PANK4: variants seen among roughly 807,000 people sequenced by gnomAD.
PANK4 encodes the protein pantothenate kinase 4 (inactive).
Under a neutral mutation model 87.9 loss-of-function variants are expected in PANK4, and 40 were observed. That is an observed-to-expected ratio of 0.46 (90% CI 0.35 to 0.59). The LOEUF is 0.59. Ranked by LOEUF, PANK4 falls within the 20% of genes least tolerant of loss-of-function variation. The probability of loss-of-function intolerance (pLI) is 0.00; values close to 1 mark genes in which losing one functional copy is unlikely to be tolerated. For missense variants in PANK4, 926 were observed against 1,072.3 expected (o/e 0.86, Z 1.90); for synonymous variants, 524 against 467.4 (o/e 1.12, Z -1.56).
intron 11 of PANK4, 107 bp from the exon 12 acceptor site, chr1:2,514,196 C>T (rs903254640): frequency 5.9e-6 from 7 of 1,177,852 alleles, no homozygotes; most frequent in Admixed American, 1.7e-5. Context: ...GCAGTGCAAA[C>T]GCTGCTTGAG....
chr1:2,523,299 G>A (rs886395284), intron 1 of PANK4, among the ~76,000 whole-genome samples: 2 of 152,140 alleles, frequency 1.3e-5, no homozygotes, highest in East Asian at 1.9e-4. Context: ...CGCGTCACAG[G>A]CTCAATCTGA....
intron 12 of PANK4, 90 bp downstream of exon 12, chr1:2,513,912 T>C: frequency 1.0e-6 from 1 of 954,912 alleles, no homozygotes. Context: ...CAGGACAGGA[T>C]GCCCCGAGCC....
intron 3 of PANK4, 75 bp downstream of exon 3, chr1:2,521,026 G>T: frequency 6.5e-7 from 1 of 1,531,618 alleles, no homozygotes; most frequent in Non-Finnish European, 9.0e-7. Context: ...CGAGCGCCAG[G>T]GACGCGGCTC....
Position 2,515,636 on chromosome 1 carries a change from C to G in PANK4, c.1300G>C (p.Asp434His), listed in dbSNP as rs1011975917. 4 of 1,613,310 alleles carry G rather than the reference C, an allele frequency of 2.5e-6. No individual in the cohort carries two copies. The highest frequency in any genetic ancestry group is 2.2e-5 in the East Asian group (1 of 44,870). Residue 434 changes from aspartate to histidine, a missense_variant, in exon 10 of 19, where the codon GAC (aspartate) becomes CAC (histidine). Transcript: ENST00000378466. This position sits in a 1 kb window ranked among gnomAD's most constrained non-coding sequence, Gnocchi z 5.0. ...GCGTCATCGGTGAGGTCCACCGTGTCGGGCACGTAGGAGGGCGGGTCCAGG... is the reference window on the plus strand; with the variant it reads ...GCGTCATCGGTGAGGTCCACCGTGTGGGGCACGTAGGAGGGCGGGTCCAGG... ...LLLDPPSYVP[D>H]TVDLTDDALA... is the part of the protein sequence containing the mutation.
At chr1:2,512,827 G>A in intron 13 of PANK4, 61 bp downstream of exon 13, 2 of 1,557,848 alleles carry the variant, frequency 1.3e-6, no homozygotes, top group Non-Finnish European at 8.8e-7. Flanking sequence ...TTGCCCGCAA[G>A]CCTGGGGCAG....
In PANK4 at chr1:2,526,446, C is replaced by T. The variant is rs752637399; in HGVS notation, c.124+18G>A. Reference sequence around the variant, plus strand: ...GCCCGCCCCCGCAGCCCGCGCCCGGCGCCCGGCCTGCGGCTACCTATGTCG... The same window carrying T: ...GCCCGCCCCCGCAGCCCGCGCCCGGTGCCCGGCCTGCGGCTACCTATGTCG... On this transcript the variant is annotated intron_variant, in intron 1 of 18. Transcript: ENST00000378466. The T allele has an allele frequency of 4.3e-6, 6 of 1,389,424 alleles. No homozygotes were observed. The South Asian group carries it at 7.7e-5, about 18-fold the overall frequency. The allele number at this position is 1,389,424 out of a possible 1,614,324, so 86.1% of individuals were successfully genotyped here. A position where few individuals can be genotyped will look rare whatever the true frequency, so the allele number is the denominator to read the frequency against.
chr1:2,512,665 A>T, intron 13 of PANK4: 2 of 555,374 alleles, frequency 3.6e-6, no homozygotes, highest in South Asian at 4.7e-5. Context: ...TGCTTAAGGA[A>T]GGGGCCTCCT....
At chr1:2,523,002 C>CGGAGGGGACCGTGTGGTGTTAT in intron 1 of PANK4, among the ~76,000 whole-genome samples, 1 of 151,426 alleles carries the variant, frequency 6.6e-6, no homozygotes, top group Non-Finnish European at 1.5e-5. Flanking sequence ...AGTGACTTAA[C>CGGAGGGGACCGTGTGGTGTTAT]ACAGTGCATT....
intron 1 of PANK4, among the ~76,000 whole-genome samples, chr1:2,523,361 C>T (rs1306307034): frequency 6.6e-6 from 1 of 152,212 alleles, no homozygotes; most frequent in Non-Finnish European, 1.5e-5. Flanking sequence ...GCCCCCAGTG[C>T]TGGCCGGGCC....
At chr1:2,511,235 G>C in intron 15 of PANK4, 103 bp downstream of exon 15, 1 of 771,934 alleles carries the variant, frequency 1.3e-6, no homozygotes, top group African/African-American at 1.7e-5. Context: ...CTAACAGGAG[G>C]GGAGGGCCAC....
chr1:2,515,317 A>C lies in PANK4; in HGVS notation c.1374+245T>G, dbSNP rs532150653. The stretch of plus-strand genomic sequence containing the variant: ...TTGAAGGAATGTGCTAGCTAGCAGA[A>C]CTATCAGCTGCCCTTAGAAGCAACG... On this transcript the variant is annotated intron_variant, in intron 10 of 18. Transcript: ENST00000378466. This position sits in a 1 kb window ranked among gnomAD's most constrained non-coding sequence, Gnocchi z 5.0. 1.9e-4 allele frequency: 131 copies of C among 690,486 alleles called. No individual in the cohort carries two copies. The highest frequency in any genetic ancestry group is 3.2e-4 in the Non-Finnish European group (121 of 377,834). The allele number at this position is 690,486 out of a possible 1,614,324, so 42.8% of individuals were successfully genotyped here.
chr1:2,520,850 T>C lies in PANK4; in HGVS notation c.479A>G (p.Lys160Arg). ...CACGAAGGCCTCATGGGGGATGTTC[T>C]TGAGCACGAAGTTGCACCCCTTAAT... ...CLIKGCNFVL[K>R]NIPHEAFVYQ... The change falls in exon 4 of 19, where the codon AAG becomes AGG. Residue 160 changes from lysine to arginine, a missense_variant. By Grantham distance (26) the Lys-to-Arg change is conservative. Transcript: ENST00000378466. The surrounding 1 kb of genome is among the most constrained non-coding windows in gnomAD (Gnocchi z 6.2). The C allele has an allele frequency of 1.3e-6, 2 of 1,588,616 alleles. No homozygotes were observed. Among genetic ancestry groups the C allele is most frequent in the Non-Finnish European group, 1.7e-6 (2 of 1,168,398 alleles).
chr1:2,513,876 C>T (rs555789244), intron 12 of PANK4, 126 bp downstream of exon 12: 56 of 761,598 alleles, frequency 7.4e-5, no homozygotes, highest in African/African-American at 3.6e-4. Flanking sequence ...GAGTTGGGGC[C>T]GCTACCAAAC....
chr1:2,518,209 A>C lies in PANK4; in HGVS notation c.1173T>G (p.Ser391Arg). The change falls in exon 9 of 19, where the codon AGT becomes AGG. Residue 391 changes from serine to arginine, a missense_variant. By Grantham distance (110) the Ser-to-Arg change is moderately radical. Transcript: ENST00000378466. ...ENYAGSSGLM[S>R]ASPELGPAQR... ...GCGCCGGGCCGAGCTCGGGTGATGC[A>C]CTCATCAGCCCGGAGCTGCCTGCAT... is the stretch of plus-strand genomic sequence containing the variant. 2 of 1,611,520 alleles carry C rather than the reference A, an allele frequency of 1.2e-6. No individual in the cohort carries two copies. Among genetic ancestry groups the C allele is most frequent in the Non-Finnish European group, 1.7e-6 (2 of 1,179,706 alleles).
In PANK4 at chr1:2,515,837, C is replaced by T. The variant is rs1340195586; in HGVS notation, c.1219-120G>A. On this transcript the variant is annotated intron_variant, in intron 9 of 18. Transcript: ENST00000378466. The surrounding 1 kb of genome is among the most constrained non-coding windows in gnomAD (Gnocchi z 5.0). Reference sequence around the variant, plus strand: ...GATGTACTGCCTTCTTCCGCCACGTCTCTGGGCCACAGACGAGACCCCCAC... The same window carrying T: ...GATGTACTGCCTTCTTCCGCCACGTTTCTGGGCCACAGACGAGACCCCCAC... 26 of 1,030,650 alleles carry T rather than the reference C, an allele frequency of 2.5e-5. No individual in the cohort carries two copies. In the Admixed American group the frequency reaches 6.0e-4, roughly 24 times the overall value. 63.8% of individuals were successfully genotyped at this position (1,030,650 alleles called of 1,614,324 possible). A position where few individuals can be genotyped will look rare whatever the true frequency, so the allele number is the denominator to read the frequency against.
chr1:2,518,007 GC>G (rs1350628970), intron 9 of PANK4, among the ~76,000 whole-genome samples, 156 bp downstream of exon 9: 2 of 152,222 alleles, frequency 1.3e-5, no homozygotes, highest in Non-Finnish European at 2.9e-5. Context: ...TCCTTCTCTT[GC>G]CCCTAGTTAT....
At chr1:2,514,509 G>C (rs775624976) in intron 10 of PANK4, 43 bp from the exon 11 acceptor site, 4 of 1,470,474 alleles carry the variant, frequency 2.7e-6, no homozygotes, top group Non-Finnish European at 3.7e-6. Context: ...CGCTGGCCCT[G>C]CTGCTTGCGA....
intron 8 of PANK4, 94 bp downstream of exon 8, chr1:2,518,422 C>T: frequency 1.7e-6 from 2 of 1,143,580 alleles, no homozygotes; most frequent in Non-Finnish European, 2.6e-6. Flanking sequence ...CGCTCCCCAC[C>T]CCACCTCCAC....
chr1:2,518,346 A>G (rs1643822484), intron 8 of PANK4, 82 bp from the exon 9 acceptor site: 2 of 1,072,718 alleles, frequency 1.9e-6, no homozygotes, highest in African/African-American at 3.1e-5. Flanking sequence ...AAGGGTATAA[A>G]ATCGCTTATT....
Sources: gnomAD v4.1 joint callset for allele counts (sites outside exome capture counted in the v4.1 genomes callset) on GRCh38, gnomAD v4.1.1 for gene constraint, Gnocchi (gnomAD v3.1) non-coding constraint, MANE v1.5 for transcripts, NCBI Gene and HGNC (gene_info 2026-07-23, HGNC 2026-07-21) for gene names.